GRIN3A: variants seen among roughly 807,000 people sequenced by gnomAD.
GRIN3A encodes the protein glutamate ionotropic receptor NMDA type subunit 3A, also known as glutamate receptor ionotropic, NMDA 3A.
Under a neutral mutation model 92.4 loss-of-function variants are expected in GRIN3A, and 47 were observed. That is an observed-to-expected ratio of 0.51 (90% CI 0.40 to 0.65). The LOEUF (loss-of-function observed/expected upper bound fraction) is 0.65. Ranked by LOEUF, GRIN3A falls within the 30% of genes least tolerant of loss-of-function variation. The probability of loss-of-function intolerance (pLI) is 0.00; values close to 1 mark genes in which losing one functional copy is unlikely to be tolerated. For missense variants in GRIN3A, 1,324 were observed against 1,393.1 expected (o/e 0.95, Z 0.79); for synonymous variants, 527 against 540.6 (o/e 0.97, Z 0.35).
At chr9:101,602,542 T>TTAG (rs1238334050) in intron 6 of GRIN3A, among the ~76,000 whole-genome samples, 2 of 152,206 alleles carry the variant, frequency 1.3e-5, no homozygotes, top group Non-Finnish European at 2.9e-5. Flanking sequence ...CTAATCAGTT[T>TTAG]TAGCACCGTT....
At chr9:101,633,845 G>A (rs966454579) in intron 3 of GRIN3A, among the ~76,000 whole-genome samples, 22 of 152,006 alleles carry the variant, frequency 1.4e-4, no homozygotes, top group African/African-American at 5.1e-4. Context: ...ACTGACTAAG[G>A]TTTCTTCAAA....
At chr9:101,664,993 G>A (rs374880140) in intron 3 of GRIN3A, among the ~76,000 whole-genome samples, 3 of 151,668 alleles carry the variant, frequency 2.0e-5, no homozygotes, top group South Asian at 2.1e-4. Context: ...TTTTTCATCC[G>A]AACATATTTT....
At chr9:101,685,746 T>A (rs1415199208) in intron 2 of GRIN3A, among the ~76,000 whole-genome samples, 3 of 150,668 alleles carry the variant, frequency 2.0e-5, no homozygotes, top group Admixed American at 6.6e-5. Context: ...AAATAATATT[T>A]TATATATATA....
At chr9:101,700,116 C>A (rs1163296740) in intron 1 of GRIN3A, among the ~76,000 whole-genome samples, 1 of 152,170 alleles carries the variant, frequency 6.6e-6, no homozygotes, top group African/African-American at 2.4e-5. Context: ...ACTCATCTCT[C>A]TCCTTCCCTG....
chr9:101,581,946 T>C (rs1827892802), intron 6 of GRIN3A, among the ~76,000 whole-genome samples: 1 of 152,234 alleles, frequency 6.6e-6, no homozygotes, highest in African/African-American at 2.4e-5. Flanking sequence ...AGGTAAATAC[T>C]GGTATAATCT....
chr9:101,617,205 T>TAAAA (rs61141843), intron 5 of GRIN3A, among the ~76,000 whole-genome samples: 9 of 107,134 alleles, frequency 8.4e-5, no homozygotes, highest in African/African-American at 2.3e-4. Flanking sequence ...AGACTCCGTC[T>TAAAA]AAAAAAAAAA....
chr9:101,737,125 C>G (rs1428988775), intron 1 of GRIN3A, among the ~76,000 whole-genome samples, 156 bp downstream of exon 1: 1 of 152,164 alleles, frequency 6.6e-6, no homozygotes, highest in African/African-American at 2.4e-5. Context: ...CTCCTTCTAC[C>G]TACCACCTAC....
At chr9:101,691,990 A>G (rs1335702634) in intron 1 of GRIN3A, among the ~76,000 whole-genome samples, 1 of 152,212 alleles carries the variant, frequency 6.6e-6, no homozygotes, top group Admixed American at 6.6e-5. Flanking sequence ...GTGAGAATGC[A>G]TGGAAAGTGC....
intron 2 of GRIN3A, among the ~76,000 whole-genome samples, chr9:101,674,556 G>A (rs1829369456): frequency 6.6e-6 from 1 of 152,070 alleles, no homozygotes; most frequent in Non-Finnish European, 1.5e-5. Context: ...CAGCTTGACA[G>A]AAGGTCATAT....
At position 101,586,624 on chromosome 9, in the gene GRIN3A, T is replaced by G. The variant is rs185087117; in HGVS notation, c.2767-7264A>C. On this transcript the variant is annotated intron_variant, in intron 6 of 8. Coordinates refer to ENST00000361820, the MANE Select transcript of GRIN3A (RefSeq NM_133445.3). ...AAACTGGGACAAAAAATTTTTTAAA[T>G]TACTGAAGTAAAACACTGGAAACTG... Among the ~76,000 whole-genome samples, 60 of 152,310 alleles carry G rather than the reference T, an allele frequency of 3.9e-4. 1 individual carries two copies. In the East Asian group the frequency reaches 0.01, roughly 25 times the overall value.
intron 3 of GRIN3A, among the ~76,000 whole-genome samples, 177 bp from the exon 4 acceptor site, chr9:101,628,578 T>A (rs1828669086): frequency 6.6e-6 from 1 of 152,196 alleles, no homozygotes; most frequent in African/African-American, 2.4e-5. Context: ...CATCAGAAAT[T>A]GCTCTATCTT....
At chr9:101,632,204 T>G (rs960064790) in intron 3 of GRIN3A, among the ~76,000 whole-genome samples, 24 of 152,176 alleles carry the variant, frequency 1.6e-4, no homozygotes, top group Non-Finnish European at 3.2e-4. Context: ...TCTAGCTAAC[T>G]CTTAAATGTC....
At chr9:101,665,101 C>A (rs2181560) in intron 3 of GRIN3A, among the ~76,000 whole-genome samples, 51,175 of 151,464 alleles carry the variant, frequency 0.34, 9,506 homozygotes, top group Non-Finnish European at 0.42. Context: ...TATTTACACA[C>A]AAGTAAGAAA....
chr9:101,591,045 G>A (rs1206241588), intron 6 of GRIN3A, among the ~76,000 whole-genome samples: 6 of 152,104 alleles, frequency 3.9e-5, no homozygotes. Flanking sequence ...GCAACATATG[G>A]TACAGAGCAG....
chr9:101,594,821 T>G, intron 6 of GRIN3A: 1 of 1,611,458 alleles, frequency 6.2e-7, no homozygotes, highest in South Asian at 1.1e-5. Flanking sequence ...AGACCCTGAT[T>G]TGTCCAAGTC....
intron 6 of GRIN3A, among the ~76,000 whole-genome samples, chr9:101,583,272 TCGCTATA>T (rs1365826757): frequency 5.3e-5 from 8 of 152,344 alleles, no homozygotes; most frequent in African/African-American, 1.9e-4. Context: ...TCTTCACTAT[TCGCTATA>T]ACAACTATCA....
intron 1 of GRIN3A, among the ~76,000 whole-genome samples, chr9:101,699,448 T>C (rs1363582554): frequency 6.6e-6 from 1 of 152,222 alleles, no homozygotes; most frequent in Non-Finnish European, 1.5e-5. Flanking sequence ...GGTAATAGGT[T>C]TTCTTCAACT....
chr9:101,670,279 A>C lies in GRIN3A; in HGVS notation c.2133T>G (p.Ser711Arg), dbSNP rs1436009258. 2 of 1,614,044 alleles carry C rather than the reference A, an allele frequency of 1.2e-6. No homozygotes were observed. The highest frequency in any genetic ancestry group is 1.1e-5 in the South Asian group (1 of 91,084). The change falls in exon 3 of 9, where the codon AGT becomes AGG. Residue 711 changes from serine (S) to arginine (R), a missense_variant. Coordinates refer to ENST00000361820, the MANE Select transcript of GRIN3A (RefSeq NM_133445.3). ...AGGCTGAAGAAAAGGAGAAGACTTT[A>C]CTTCTATTTCGCCCCTTGGGAGTCA... ...FGLTPKGRNR[S>R]KVFSFSSALN...
intron 3 of GRIN3A, among the ~76,000 whole-genome samples, chr9:101,656,354 C>T (rs1203390691): frequency 6.6e-6 from 1 of 151,908 alleles, no homozygotes; most frequent in Non-Finnish European, 1.5e-5. Context: ...AAGCATCTCC[C>T]AGATGCTGGG....
Sources: gnomAD v4.1 joint callset for allele counts (sites outside exome capture counted in the v4.1 genomes callset) on GRCh38, gnomAD v4.1.1 for gene constraint, MANE v1.5 for transcripts, NCBI Gene and HGNC (gene_info 2026-07-23, HGNC 2026-07-21) for gene names.